UNC45A: variants seen among roughly 807,000 people sequenced by gnomAD.
UNC45A encodes the protein protein unc-45 homolog A.
UNC45A carries 78 observed loss-of-function variants against 103.2 expected under a neutral mutation model. The ratio of observed to expected loss-of-function variants is 0.76; its 90% CI spans 0.63 to 0.91. UNC45A has a LOEUF of 0.91. UNC45A is among the 40% of genes least tolerant of loss of function. The probability of loss-of-function intolerance (pLI) is 0.00; values close to 1 mark genes in which losing one functional copy is unlikely to be tolerated. For synonymous variants in UNC45A, 495 were observed against 504.6 expected (o/e 0.98, Z 0.25); for missense variants, 1,193 against 1,224.8 (o/e 0.97, Z 0.39).
At chr15:90,943,995 T>TTG (rs1404331252) in intron 8 of UNC45A, among the ~76,000 whole-genome samples, 11 of 147,522 alleles carry the variant, frequency 7.5e-5, no homozygotes, top group Admixed American at 3.4e-4. Context: ...TGTTTTTTTT[T>TTG]TTTTTTTTTT....
intron 4 of UNC45A, among the ~76,000 whole-genome samples, chr15:90,939,479 A>T (rs980929694): frequency 6.6e-6 from 1 of 152,220 alleles, no homozygotes; most frequent in African/African-American, 2.4e-5. Context: ...CTCCCCTCCG[A>T]AAAGGCACTC....
At position 90,951,208 on chromosome 15, in the gene UNC45A, T is replaced by C. The variant is rs1249136138; in HGVS notation, c.2303+593T>C. Among the ~76,000 whole-genome samples the C allele has an allele frequency of 2.6e-5, 4 of 152,186 alleles. No individual in the cohort carries two copies. The East Asian group carries it at 7.7e-4, about 29-fold the overall frequency. ...TTTTTGTAGAGATGGCGCTTTACCA[T>C]GTTGGTCAGGCTGGTCTAGATCTCC... On this transcript the variant is annotated intron_variant, in intron 17 of 19. Transcript: ENST00000418476.
rs753083696 is a variant in UNC45A, at chr15:90,953,442, C to T, written c.2578-17C>T. 6.2e-7 allele frequency: 1 copy of T among 1,612,594 alleles called. No homozygotes were observed. The highest frequency in any genetic ancestry group is 2.2e-5 in the East Asian group (1 of 44,870). The stretch of plus-strand genomic sequence containing the variant: ...GCCTGTTGCCCAGGGGTCATATCTA[C>T]CCTGTTTTTCTCACAGACCACACAC... On this transcript the variant is annotated splice_polypyrimidine_tract_variant and intron_variant, in intron 19 of 19. Coordinates refer to ENST00000418476, the MANE Select transcript of UNC45A (RefSeq NM_018671.5).
intron 1 of UNC45A, 80 bp from the exon 2 acceptor site, chr15:90,935,464 A>T: frequency 6.4e-7 from 1 of 1,573,012 alleles, no homozygotes; most frequent in Non-Finnish European, 8.6e-7. Flanking sequence ...GCTCGCCCCG[A>T]TCCCTCCTCT....
upstream of UNC45A, chr15:90,931,131 C>A (rs1029200371): frequency 2.8e-5 from 28 of 1,003,596 alleles, no homozygotes; most frequent in African/African-American, 3.9e-4. Flanking sequence ...GACCTTCAGA[C>A]TGAGAAAAAA....
Position 90,948,522 on chromosome 15 carries a change from G to A in UNC45A, c.1738-132G>A, listed in dbSNP as rs145351556. The A allele has an allele frequency of 1.5e-4, 210 of 1,433,460 alleles. 2 individuals carry two copies. The East Asian group carries it at 3.9e-3, about 27-fold the overall frequency. 88.8% of individuals were successfully genotyped at this position (1,433,460 alleles called of 1,614,324 possible). A position where few individuals can be genotyped will look rare whatever the true frequency, so the allele number is the denominator to read the frequency against. Reference sequence around the variant, plus strand: ...TAAGCTCCCAAAGTCTGGGGCCTGGGAGTTTCCCGAATTCATCCTGTACCC... The same window carrying A: ...TAAGCTCCCAAAGTCTGGGGCCTGGAAGTTTCCCGAATTCATCCTGTACCC... On this transcript the variant is annotated intron_variant, in intron 12 of 19. Coordinates refer to ENST00000418476, the MANE Select transcript of UNC45A (RefSeq NM_018671.5).
rs2036016055 is a variant in UNC45A at position 90,936,303 on chromosome 15, G to C, written c.269G>C (p.Gly90Ala). Residue 90 changes from glycine (G) to alanine (A), a missense_variant, in exon 4 of 20, where the codon GGG (glycine) becomes GCG (alanine). Coordinates refer to ENST00000418476, the MANE Select transcript of UNC45A (RefSeq NM_018671.5). ...EASKAIEKDG[G>A]DVKALYRRSQ... ...TGCTCAGCCATTGAAAAGGATGGTG[G>C]GGATGTCAAAGCACTCTACCGGCGG... The C allele has an allele frequency of 6.2e-7, 1 of 1,613,548 alleles. No individual in the cohort carries two copies. The highest frequency in any genetic ancestry group is 1.3e-5 in the African/African-American group (1 of 74,870).
Position 90,947,908 on chromosome 15 carries a change from G to A in UNC45A, c.1595+18G>A, listed in dbSNP as rs777246796. 6.2e-7 allele frequency: 1 copy of A among 1,609,346 alleles called. No individual in the cohort carries two copies. The highest frequency in any genetic ancestry group is 2.2e-5 in the East Asian group (1 of 44,850). On this transcript the variant is annotated intron_variant, in intron 11 of 19. Transcript: ENST00000418476. ...TGTCGAAAGTGAGTCATCTGGCCTT[G>A]CTGTGGTTCCCCACCTGTGGGGTAG...
chr15:90,953,250 CG>C lies in UNC45A; in HGVS notation c.2522del (p.Gly841AlafsTer19). The C allele has an allele frequency of 6.2e-7, 1 of 1,613,594 alleles. No homozygotes were observed. The highest frequency in any genetic ancestry group is 8.5e-7 in the Non-Finnish European group (1 of 1,180,002). On this transcript the variant is annotated frameshift_variant, in exon 19 of 20. Transcript: ENST00000418476. LOFTEE classifies it high-confidence loss of function. ...DDELLQRAAAGGLAMLTSMRP... is the reference protein window; with the variant it reads ...DDELLQRAAAXGLAMLTSMRP... Reference sequence around the variant, plus strand: ...ATGAGCTGCTACAGCGGGCAGCTGCCGGGGGCTTGGCCATGCTTACCTCCAT... The same window carrying C: ...ATGAGCTGCTACAGCGGGCAGCTGCCGGGGCTTGGCCATGCTTACCTCCAT...
chr15:90,935,844 G>T, intron 2 of UNC45A, 102 bp from the exon 3 acceptor site: 1 of 1,582,970 alleles, frequency 6.3e-7, no homozygotes, highest in East Asian at 2.2e-5. Context: ...TCAGGGTGGT[G>T]GGGGATCGGG....
intron 9 of UNC45A, 88 bp downstream of exon 9, chr15:90,945,151 C>A: frequency 6.6e-7 from 1 of 1,513,538 alleles, no homozygotes; most frequent in Non-Finnish European, 8.9e-7. Context: ...GAAAGGTTTC[C>A]AGCAGAAACA....
At chr15:90,949,744 C>G (rs375489052) in intron 15 of UNC45A, 24 bp downstream of exon 15, 6 of 1,612,722 alleles carry the variant, frequency 3.7e-6, no homozygotes, top group South Asian at 3.3e-5. Context: ...CACACCCCTT[C>G]CTGATGGCTG....
rs1408157627 is a variant in UNC45A at position 90,936,321 on chromosome 15, A to G, written c.287A>G (p.Tyr96Cys). 6.2e-7 allele frequency: 1 copy of G among 1,614,008 alleles called. No individual in the cohort carries two copies. The highest frequency in any genetic ancestry group is 8.5e-7 in the Non-Finnish European group (1 of 1,179,978). ...GATGGTGGGGATGTCAAAGCACTCTACCGGCGGAGCCAAGCCCTAGAGAAG... is the reference window on the plus strand; with the variant it reads ...GATGGTGGGGATGTCAAAGCACTCTGCCGGCGGAGCCAAGCCCTAGAGAAG... Reference protein sequence around the residue: ...EKDGGDVKALYRRSQALEKLG... With the variant: ...EKDGGDVKALCRRSQALEKLG... Residue 96 changes from tyrosine (Y) to cysteine (C), a missense_variant, in exon 4 of 20, where the codon TAC (tyrosine) becomes TGC (cysteine). Physicochemically the swap from Tyr to Cys is radical, Grantham distance 194 (BLOSUM62 -2). Coordinates refer to ENST00000418476, the MANE Select transcript of UNC45A (RefSeq NM_018671.5).
chr15:90,951,199 G>A (rs942383579), intron 17 of UNC45A, among the ~76,000 whole-genome samples: 3 of 152,148 alleles, frequency 2.0e-5, no homozygotes, highest in East Asian at 3.9e-4. Flanking sequence ...TAGAGATGGC[G>A]CTTTACCATG....
At position 90,939,674 on chromosome 15, in the gene UNC45A, G is replaced by T. The variant is rs1010814318; in HGVS notation, c.427-57G>T. The T allele has an allele frequency of 3.8e-6, 6 of 1,569,034 alleles. No individual in the cohort carries two copies. The African/African-American group carries it at 8.1e-5, about 21-fold the overall frequency. On this transcript the variant is annotated intron_variant, in intron 4 of 19. Transcript: ENST00000418476. ...GGAGCTGGAGACAAATGAATAGGGA[G>T]TGTGATGTCTCTGGCCAAGAGCCGT...
intron 15 of UNC45A, 181 bp from the exon 16 acceptor site, chr15:90,949,973 C>T: frequency 1.5e-6 from 1 of 681,710 alleles, no homozygotes; most frequent in South Asian, 1.8e-5. Context: ...GTGCTCAGCA[C>T]AATCCATGTC....
chr15:90,931,821 G>A, upstream of UNC45A: 2 of 1,614,114 alleles, frequency 1.2e-6, no homozygotes, highest in Non-Finnish European at 1.7e-6. Flanking sequence ...TTTCTCTCCA[G>A]CTTGGGCAGA....
chr15:90,949,867 C>T (rs909445575), intron 15 of UNC45A, 147 bp downstream of exon 15: 13 of 905,228 alleles, frequency 1.4e-5, no homozygotes, highest in African/African-American at 8.3e-5. Flanking sequence ...GAGAGAGTGA[C>T]GCGGAAGCAG....
intron 6 of UNC45A, among the ~76,000 whole-genome samples, chr15:90,941,958 C>CAAAAA (rs369044240): frequency 1.5e-5 from 1 of 68,788 alleles, no homozygotes; most frequent in Non-Finnish European, 2.9e-5. Context: ...GACTCCGTCT[C>CAAAAA]AAAAAAAAAA....
Sources: allele counts gnomAD v4.1 joint callset (sites outside exome capture counted in the v4.1 genomes callset), GRCh38; gene constraint gnomAD v4.1.1; transcripts MANE v1.5; gene names NCBI Gene and HGNC (gene_info 2026-07-23, HGNC 2026-07-21).